The following RBMS1 variants were observed in gnomAD, a reference collection of about 807,000 sequenced individuals.
RBMS1 encodes the protein RNA binding motif single stranded interacting protein 1.
In RBMS1, 17 loss-of-function variants were observed where a neutral mutation model predicts 62.3. The observed-to-expected ratio is 0.27, with a 90% CI of 0.19 to 0.41. The LOEUF is 0.41. Ranked by LOEUF, RBMS1 falls within the 10% of genes least tolerant of loss-of-function variation. RBMS1 has a pLI of 1.00. For missense variants in RBMS1, 334 were observed against 504.5 expected (o/e 0.66, Z 3.24); for synonymous variants, 172 against 170.0 (o/e 1.01, Z -0.09).
intron 2 of RBMS1, among the ~76,000 whole-genome samples, chr2:160,336,736 G>A (rs1167573335): frequency 1.3e-5 from 2 of 150,862 alleles, no homozygotes; most frequent in African/African-American, 2.4e-5. Flanking sequence ...ATTTTATACT[G>A]CCAGCGTATC....
chr2:160,278,446 A>T, intron 11 of RBMS1, 102 bp downstream of exon 11: 1 of 930,754 alleles, frequency 1.1e-6, no homozygotes, highest in Non-Finnish European at 1.7e-6. Context: ...GATTAGACAT[A>T]ATCTGTTATC....
intron 1 of RBMS1, among the ~76,000 whole-genome samples, chr2:160,411,393 C>T (rs983517417): frequency 9.9e-5 from 15 of 152,118 alleles, no homozygotes; most frequent in Non-Finnish European, 1.6e-4. Flanking sequence ...TTACTGGCAG[C>T]GGGCAGAGAG....
Position 160,284,863 on chromosome 2 carries a change from T to C in RBMS1, c.812A>G (p.Tyr271Cys). 9 of 1,602,208 alleles carry C rather than the reference T, an allele frequency of 5.6e-6. No homozygotes were observed. The highest frequency in any genetic ancestry group is 7.7e-6 in the Non-Finnish European group (9 of 1,170,156). ...PTTAAIQNGFYPSPYSIATNR... is the reference protein window; with the variant it reads ...PTTAAIQNGFCPSPYSIATNR... Reference sequence around the variant, plus strand: ...TGTAGCAATACTGTATGGTGAAGGATAAAATCTAGAACAAACACAAAAGCC... The same window carrying C: ...TGTAGCAATACTGTATGGTGAAGGACAAAATCTAGAACAAACACAAAAGCC... Residue 271 changes from tyrosine to cysteine, a missense_variant, in exon 9 of 14, where the codon TAT becomes TGT. Transcript: ENST00000348849.
At chr2:160,419,407 G>T (rs1158088707) in intron 1 of RBMS1, among the ~76,000 whole-genome samples, 1 of 152,048 alleles carries the variant, frequency 6.6e-6, no homozygotes, top group African/African-American at 2.4e-5. Flanking sequence ...TTTAAAGTAG[G>T]TGTATAAACT....
chr2:160,466,571 C>T (rs765452789), intron 1 of RBMS1, among the ~76,000 whole-genome samples: 1 of 152,146 alleles, frequency 6.6e-6, no homozygotes, highest in Non-Finnish European at 1.5e-5. Flanking sequence ...CCAACATGTA[C>T]ACAACACACA....
At chr2:160,455,833 G>A (rs1366765266) in intron 1 of RBMS1, among the ~76,000 whole-genome samples, 8 of 151,812 alleles carry the variant, frequency 5.3e-5, no homozygotes, top group Admixed American at 3.9e-4. Context: ...ACAGGCGCCC[G>A]CTACCACGCC....
At chr2:160,305,985 G>A (rs1338460074) in intron 4 of RBMS1, among the ~76,000 whole-genome samples, 2 of 151,984 alleles carry the variant, frequency 1.3e-5, no homozygotes, top group African/African-American at 4.8e-5. Context: ...AAAAGTCAGC[G>A]AGATGTAGTG....
At chr2:160,406,912 A>G (rs559471765) in intron 1 of RBMS1, among the ~76,000 whole-genome samples, 2 of 152,246 alleles carry the variant, frequency 1.3e-5, no homozygotes, top group East Asian at 3.9e-4. Flanking sequence ...ATGTCACAGG[A>G]TTTCCCTGTG....
At chr2:160,356,667 A>G (rs958296558) in intron 2 of RBMS1, among the ~76,000 whole-genome samples, 1 of 152,156 alleles carries the variant, frequency 6.6e-6, no homozygotes, top group Non-Finnish European at 1.5e-5. Flanking sequence ...AGCAGCAAGA[A>G]GGCCCTCACC....
At chr2:160,426,798 G>A (rs1483407133) in intron 1 of RBMS1, among the ~76,000 whole-genome samples, 1 of 152,144 alleles carries the variant, frequency 6.6e-6, no homozygotes, top group African/African-American at 2.4e-5. Context: ...AACAACCTAG[G>A]GTCACAGTGG....
At chr2:160,419,345 CCTTT>C (rs1696323235) in intron 1 of RBMS1, among the ~76,000 whole-genome samples, 1 of 151,964 alleles carries the variant, frequency 6.6e-6, no homozygotes, top group African/African-American at 2.4e-5. Flanking sequence ...CCTGTTTGGC[CCTTT>C]ATTTTAAAAA....
chr2:160,386,574 T>G lies in RBMS1; in HGVS notation c.76-19183A>C, dbSNP rs980588738. Among the ~76,000 whole-genome samples, 438 of 147,414 alleles carry G rather than the reference T, an allele frequency of 3.0e-3. 3 individuals are homozygous for G. Among genetic ancestry groups the G allele is most frequent in the African/African-American group, 0.01 (414 of 40,164 alleles). On this transcript the variant is annotated intron_variant, in intron 1 of 13. Transcript: ENST00000348849. ...AAAAAAAGATGTGGCCTTTGGAAGG[T>G]GATTTAGGTCATAAAGATGGAGCCC... is the stretch of plus-strand genomic sequence containing the variant.
intron 1 of RBMS1, among the ~76,000 whole-genome samples, chr2:160,394,496 T>A (rs1369022167): frequency 6.6e-6 from 1 of 152,202 alleles, no homozygotes; most frequent in Admixed American, 6.5e-5. Flanking sequence ...TCCAGATCAC[T>A]GACATTTTAA....
chr2:160,480,989 G>A (rs532559686), intron 1 of RBMS1, among the ~76,000 whole-genome samples: 14 of 150,310 alleles, frequency 9.3e-5, no homozygotes, highest in Non-Finnish European at 1.3e-4. Flanking sequence ...GCTGAGGCAT[G>A]AGAATTGCCT....
chr2:160,331,810 C>G (rs1307129932), intron 2 of RBMS1, among the ~76,000 whole-genome samples: 1 of 152,124 alleles, frequency 6.6e-6, no homozygotes, highest in Non-Finnish European at 1.5e-5. Flanking sequence ...GCAGGCCTTT[C>G]CAAGAACTGG....
intron 6 of RBMS1, among the ~76,000 whole-genome samples, chr2:160,288,872 C>G (rs1025163103): frequency 1.6e-4 from 24 of 151,936 alleles, no homozygotes; most frequent in African/African-American, 5.6e-4. Flanking sequence ...AGCAAGTGAT[C>G]CCAACTGGCC....
At chr2:160,336,747 T>A (rs529932713) in intron 2 of RBMS1, among the ~76,000 whole-genome samples, 1 of 152,308 alleles carries the variant, frequency 6.6e-6, no homozygotes, top group Non-Finnish European at 1.5e-5. Flanking sequence ...CCAGCGTATC[T>A]CTATTTGGAC....
chr2:160,466,329 A>G (rs537795737), intron 1 of RBMS1, among the ~76,000 whole-genome samples: 9 of 152,172 alleles, frequency 5.9e-5, no homozygotes, highest in Non-Finnish European at 1.3e-4. Flanking sequence ...ATTCCTCTGA[A>G]TATAACAAAA....
intron 10 of RBMS1, chr2:160,278,903 A>T (rs1294643909): frequency 2.8e-6 from 1 of 363,504 alleles, no homozygotes; most frequent in African/African-American, 2.1e-5. Flanking sequence ...CAATCCCTGT[A>T]TTAAAGCCAG....
Sources: allele counts gnomAD v4.1 joint callset (sites outside exome capture counted in the v4.1 genomes callset), GRCh38; gene constraint gnomAD v4.1.1; transcripts MANE v1.5; gene names NCBI Gene and HGNC (gene_info 2026-07-23, HGNC 2026-07-21).